The following USP25 variants were observed in gnomAD, a reference collection of about 807,000 sequenced individuals.
USP25 encodes the protein ubiquitin specific peptidase 25, also known as ubiquitin carboxyl-terminal hydrolase 25.
A neutral mutation model predicts 158.5 loss-of-function variants in USP25; 85 were observed. The ratio of observed to expected loss-of-function variants is 0.54; its 90% CI spans 0.45 to 0.64. USP25 has a LOEUF of 0.64. Ranked by LOEUF, USP25 falls within the 30% of genes least tolerant of loss-of-function variation. The probability of loss-of-function intolerance (pLI) is 0.00; values close to 1 mark genes in which losing one functional copy is unlikely to be tolerated. For missense variants in USP25, 1,242 were observed against 1,327.3 expected, an observed-to-expected ratio of 0.94 and a Z score of 1.00; for synonymous variants, 464 against 460.4, an observed-to-expected ratio of 1.01 and a Z score of -0.10.
intron 7 of USP25, among the ~76,000 whole-genome samples, chr21:15,807,493 T>G (rs967188934): frequency 2.0e-5 from 3 of 152,192 alleles, no homozygotes; most frequent in African/African-American, 7.2e-5. Flanking sequence ...AAGGTTATTC[T>G]CTAATAGTTC....
At chr21:15,846,147 TATA>T (rs2038590102) in intron 18 of USP25, among the ~76,000 whole-genome samples, 10 of 69,392 alleles carry the variant, frequency 1.4e-4, no homozygotes, top group African/African-American at 6.5e-4. Flanking sequence ...TATATATATA[TATA>T]TATATATATT....
intron 17 of USP25, among the ~76,000 whole-genome samples, chr21:15,833,867 C>T (rs2037931257): frequency 6.6e-6 from 1 of 152,178 alleles, no homozygotes; most frequent in African/African-American, 2.4e-5. Flanking sequence ...GAAACCCAAA[C>T]CAATTCACTA....
intron 1 of USP25, among the ~76,000 whole-genome samples, chr21:15,756,453 C>G (rs1225545500): frequency 6.6e-6 from 1 of 152,098 alleles, no homozygotes; most frequent in Non-Finnish European, 1.5e-5. Context: ...ATAATAAATT[C>G]ATATTTTCTT....
At chr21:15,855,820 A>G (rs1392029417) in intron 20 of USP25, among the ~76,000 whole-genome samples, 1 of 152,284 alleles carries the variant, frequency 6.6e-6, no homozygotes, top group East Asian at 1.9e-4. Flanking sequence ...TCCCATCACT[A>G]CAGTCTGTCC....
At chr21:15,851,463 G>A (rs780453049) in intron 20 of USP25, among the ~76,000 whole-genome samples, 32 of 150,950 alleles carry the variant, frequency 2.1e-4, no homozygotes, top group African/African-American at 2.9e-4. Flanking sequence ...CTTTTCCTGC[G>A]TCGCATACAT....
At chr21:15,730,525 C>T in intron 1 of USP25, 87 bp downstream of exon 1, 4 of 1,275,422 alleles carry the variant, frequency 3.1e-6, no homozygotes, top group Non-Finnish European at 3.0e-6. Context: ...CCGGCCTCGC[C>T]GCCGCCGCCT....
At chr21:15,738,923 C>T (rs1247423425) in intron 1 of USP25, among the ~76,000 whole-genome samples, 1 of 152,044 alleles carries the variant, frequency 6.6e-6, no homozygotes, top group Non-Finnish European at 1.5e-5. Context: ...GCATGCAGCC[C>T]CCAGTCACAT....
Position 15,826,487 on chromosome 21 carries a change from A to G in USP25, c.1466+122A>G. 8.7e-7 allele frequency: 1 copy of G among 1,151,392 alleles called. No individual in the cohort carries two copies. The highest frequency in any genetic ancestry group is 1.6e-5 in the South Asian group (1 of 64,188). 71.3% of individuals were successfully genotyped at this position (1,151,392 alleles called of 1,614,324 possible). ...TGATTTACTTCAGTGAACTCCTAAG[A>G]GTAGATTCACTTAGAAGACTGTATG... On this transcript the variant is annotated intron_variant, in intron 13 of 25. Coordinates refer to ENST00000400183, the MANE Select transcript of USP25 (RefSeq NM_001283041.3). This position sits in a 1 kb window ranked among gnomAD's most constrained non-coding sequence, Gnocchi z 4.8.
At chr21:15,787,732 T>C (rs976321492) in intron 4 of USP25, among the ~76,000 whole-genome samples, 2 of 151,038 alleles carry the variant, frequency 1.3e-5, no homozygotes, top group Non-Finnish European at 3.0e-5. Flanking sequence ...CGCCGCCCCC[T>C]TTTTTTTTCT....
chr21:15,859,646 CAG>C (rs1422269022), intron 20 of USP25, among the ~76,000 whole-genome samples: 1 of 152,064 alleles, frequency 6.6e-6, no homozygotes, highest in Non-Finnish European at 1.5e-5. Flanking sequence ...TTAAGTTTTA[CAG>C]AGTCTGTTCA....
chr21:15,841,269 T>C (rs931107749), intron 17 of USP25, among the ~76,000 whole-genome samples: 3 of 152,166 alleles, frequency 2.0e-5, no homozygotes, highest in Non-Finnish European at 4.4e-5. Context: ...CCTGTTGCTC[T>C]CTCTCTTAAT....
intron 3 of USP25, chr21:15,773,227 C>G (rs1422340082): frequency 6.6e-6 from 1 of 152,230 alleles, no homozygotes; most frequent in Non-Finnish European, 1.5e-5. Context: ...GTGGCTGGAG[C>G]CATTTAATAT....
In USP25 at chr21:15,811,161, C is replaced by T. The variant is rs545959297; in HGVS notation, c.882C>T (p.Pro294=). 9.9e-5 allele frequency: 160 copies of T among 1,612,566 alleles called. No individual in the cohort carries two copies. Among genetic ancestry groups the T allele is most frequent in the Admixed American group, 1.8e-4 (11 of 59,736 alleles). ...EETDEEKPKN[P]MVELFYGRFL... is the part of the protein sequence containing the mutation. ...GGGATGAAGAGAAGCCAAAGAACCC[C>T]ATGGTAGAGTTGTTCTATGGCAGAT... Residue 294 remains proline, a synonymous_variant, in exon 9 of 26, where the codon CCC becomes CCT. Coordinates refer to ENST00000400183, the MANE Select transcript of USP25 (RefSeq NM_001283041.3).
chr21:15,864,158 CAA>C (rs878887662), intron 20 of USP25, 108 bp from the exon 21 acceptor site: 14,559 of 893,028 alleles, frequency 0.016, no homozygotes, highest in South Asian at 0.023. Flanking sequence ...CTTTAAAAGC[CAA>C]AAAAAAAAAA....
intron 3 of USP25, 28 bp from the exon 4 acceptor site, chr21:15,777,875 AT>A: frequency 1.9e-6 from 3 of 1,559,486 alleles, no homozygotes; most frequent in Non-Finnish European, 2.6e-6. Flanking sequence ...TTTACTTTTA[AT>A]TTTGAGAAAG....
chr21:15,732,031 C>G (rs2030960075), intron 1 of USP25, among the ~76,000 whole-genome samples: 1 of 152,116 alleles, frequency 6.6e-6, no homozygotes, highest in South Asian at 2.1e-4. Flanking sequence ...TTGATTTTGA[C>G]TAAACTGTAT....
chr21:15,759,050 A>G (rs931124783), intron 1 of USP25, among the ~76,000 whole-genome samples: 10 of 152,214 alleles, frequency 6.6e-5, no homozygotes, highest in Non-Finnish European at 1.5e-4. Flanking sequence ...CCATGATTGA[A>G]TAATTTTCAG....
At chr21:15,800,596 T>G (rs1003795472) in intron 6 of USP25, among the ~76,000 whole-genome samples, 1 of 151,190 alleles carries the variant, frequency 6.6e-6, no homozygotes, top group Non-Finnish European at 1.5e-5. Context: ...TTATACCTAA[T>G]GGAAAAAATT....
chr21:15,858,528 A>G (rs2039268649), intron 20 of USP25, among the ~76,000 whole-genome samples: 1 of 151,540 alleles, frequency 6.6e-6, no homozygotes, highest in South Asian at 2.1e-4. Context: ...TTTATGTTGT[A>G]TTTAGTTAAC....
Sources: allele counts gnomAD v4.1 joint callset (sites outside exome capture counted in the v4.1 genomes callset), GRCh38; gene constraint gnomAD v4.1.1; non-coding constraint Gnocchi (gnomAD v3.1); transcripts MANE v1.5; gene names NCBI Gene and HGNC (gene_info 2026-07-23, HGNC 2026-07-21).